UROD: variants seen among roughly 807,000 people sequenced by gnomAD.
UROD encodes uroporphyrinogen III decarboxylase.
A neutral mutation model predicts 47.1 loss-of-function variants in UROD; 34 were observed. The ratio of observed to expected loss-of-function variants is 0.72; its 90% CI spans 0.55 to 0.96. UROD has a LOEUF of 0.96. Among genes scored for constraint, UROD ranks in the 40% least tolerant of loss-of-function variants. UROD has a pLI of 0.00. For missense variants in UROD, 381 were observed against 471.8 expected (o/e 0.81, Z 1.78); for synonymous variants, 148 against 175.8 (o/e 0.84, Z 1.25).
rs121918059 is a variant in UROD at position 45,014,835 on chromosome 1, C to T, written c.874C>T (p.Arg292Trp). The T allele has an allele frequency of 7.4e-6, 12 of 1,613,992 alleles. No individual in the cohort carries two copies. The highest frequency in any genetic ancestry group is 2.2e-5 in the East Asian group (1 of 44,896). The part of the protein sequence containing the change: ...LDWTVAPKKA[R>W]ECVGKTVTLQ... ...CTGGACAGTGGCCCCAAAGAAAGCC[C>T]GGTAAGCCATGGAAGGGTGAGGCCT... is the stretch of plus-strand genomic sequence containing the variant. Residue 292 changes from arginine to tryptophan, a missense_variant and splice_region_variant, in exon 8 of 10, where the codon CGG becomes TGG. By Grantham distance (101) the Arg-to-Trp change is moderately radical. Coordinates refer to ENST00000246337, the MANE Select transcript of UROD (RefSeq NM_000374.5).
Position 45,013,011 on chromosome 1 carries a change from A to G in UROD, c.125A>G (p.Tyr42Cys). 2 of 1,614,044 alleles carry G rather than the reference A, an allele frequency of 1.2e-6. No individual in the cohort carries two copies. Among genetic ancestry groups the G allele is most frequent in the Non-Finnish European group, 1.7e-6 (2 of 1,180,024 alleles). The change falls in exon 2 of 10, where the codon TAC becomes TGC. Residue 42 changes from tyrosine to cysteine, a missense_variant. By Grantham distance (194) the Tyr-to-Cys change is radical. Coordinates refer to ENST00000246337, the MANE Select transcript of UROD (RefSeq NM_000374.5). The surrounding 1 kb of genome is among the most constrained non-coding windows in gnomAD (Gnocchi z 4.2). ...PVWCMRQAGR[Y>C]LPEFRETRAA... is the part of the protein sequence containing the mutation. ...TGGTGCATGCGCCAGGCAGGCCGTT[A>G]CTTACCAGGTAAGAGTCAGGGTCTG...
chr1:45,013,681 C>T lies in UROD; in HGVS notation c.364C>T (p.Arg122Trp), dbSNP rs201087307. Residue 122 changes from arginine (R) to tryptophan (W), a missense_variant, in exon 5 of 10, where the codon CGG becomes TGG. Arg to Trp is a moderately radical substitution (Grantham distance 101). Transcript: ENST00000246337. This position sits in a 1 kb window ranked among gnomAD's most constrained non-coding sequence, Gnocchi z 4.2. ...LREEQDLERL[R>W]DPEVVASELG... is the part of the protein sequence containing the mutation. ...AGAAGAGCAGGACCTAGAACGCCTACGGGATCCAGAAGTGGTAGCCTCTGA... is the reference window on the plus strand; with the variant it reads ...AGAAGAGCAGGACCTAGAACGCCTATGGGATCCAGAAGTGGTAGCCTCTGA... The T allele has an allele frequency of 5.0e-5, 81 of 1,614,058 alleles. No homozygotes were observed. The highest frequency in any genetic ancestry group is 1.8e-4 in the East Asian group (8 of 44,892).
Position 45,014,766 on chromosome 1 carries a change from C to T in UROD, c.805C>T (p.Leu269=), listed in dbSNP as rs747674229. Residue 269 remains leucine (L), a synonymous_variant, in exon 8 of 10, where the codon CTG becomes TTG. Coordinates refer to ENST00000246337, the MANE Select transcript of UROD (RefSeq NM_000374.5). ...CTTTGCTAAGGATGGGCATTTTGCC[C>T]TGGAGGAGCTGGCCCAAGCTGGCTA... ...IIFAKDGHFA[L]EELAQAGYEV... The T allele has an allele frequency of 1.9e-6, 3 of 1,614,236 alleles. No homozygotes were observed. The highest frequency in any genetic ancestry group is 1.7e-6 in the Non-Finnish European group (2 of 1,180,036).
intron 1 of UROD, 47 bp downstream of exon 1, chr1:45,012,332 G>C: frequency 1.2e-6 from 2 of 1,614,062 alleles, no homozygotes; most frequent in Non-Finnish European, 1.7e-6. Flanking sequence ...CTTCTAATTT[G>C]AGTCTTCCAA....
In UROD at chr1:45,014,845, T is replaced by C. The variant is rs1303239281; in HGVS notation, c.875+9T>C. ...GCCCCAAAGAAAGCCCGGTAAGCCA[T>C]GGAAGGGTGAGGCCTTGAGGTTGAG... On this transcript the variant is annotated intron_variant, in intron 8 of 9. Transcript: ENST00000246337. 1 of 1,614,116 alleles carries C rather than the reference T, an allele frequency of 6.2e-7. No individual in the cohort carries two copies. The highest frequency in any genetic ancestry group is 8.5e-7 in the Non-Finnish European group (1 of 1,180,010).
At position 45,013,128 on chromosome 1, in the gene UROD, G is replaced by C; in HGVS notation, c.134-8G>C. The C allele has an allele frequency of 6.2e-7, 1 of 1,614,196 alleles. No homozygotes were observed. ...CAAGGCTGAGCCCTGTCTTCCCTCT[G>C]TATGCAGAGTTTAGGGAAACCCGGG... On this transcript the variant is annotated splice_polypyrimidine_tract_variant and splice_region_variant and intron_variant, in intron 2 of 9. Transcript: ENST00000246337. This position sits in a 1 kb window ranked among gnomAD's most constrained non-coding sequence, Gnocchi z 4.2.
At chr1:45,015,193 C>A in intron 9 of UROD, 144 bp from the exon 10 acceptor site, 1 of 1,429,702 alleles carries the variant, frequency 7.0e-7, no homozygotes, top group Non-Finnish European at 9.6e-7. Flanking sequence ...TGCCTGGGTC[C>A]ATACTAGGGA....
Position 45,013,042 on chromosome 1 carries a change from C to G in UROD, c.133+23C>G. 6.2e-7 allele frequency: 1 copy of G among 1,614,128 alleles called. No individual in the cohort carries two copies. ...CAGGTAAGAGTCAGGGTCTGGAAAT[C>G]TAGATAAAACTCCGGAGGGAGAAAA... On this transcript the variant is annotated intron_variant, in intron 2 of 9. Coordinates refer to ENST00000246337, the MANE Select transcript of UROD (RefSeq NM_000374.5). This position sits in a 1 kb window ranked among gnomAD's most constrained non-coding sequence, Gnocchi z 4.2.
rs1644833585 is a variant in UROD, at chr1:45,014,622, C to CA, written c.774+47dup. On this transcript the variant is annotated intron_variant, in intron 7 of 9. Coordinates refer to ENST00000246337, the MANE Select transcript of UROD (RefSeq NM_000374.5). ...AGTGAAGGTGGTCCTGTGGAGCTTT[C>CA]AGGCTAAGTCCTGCATGGACTGGAG... 7 of 1,613,944 alleles carry CA rather than the reference C, an allele frequency of 4.3e-6. 1 individual carries two copies. The African/African-American group carries it at 5.3e-5, about 12-fold the overall frequency.
rs769981297 is a variant in UROD at position 45,013,333 on chromosome 1, C to T, written c.255C>T (p.Ser85=). The T allele has an allele frequency of 1.7e-5, 28 of 1,614,054 alleles. No individual in the cohort carries two copies. The South Asian group carries it at 1.8e-4, about 10-fold the overall frequency. The part of the protein sequence containing the change: ...RFPLDAAIIF[S]DILVVPQALG... ...CTCTGGATGCTGCCATCATTTTCTC[C>T]GACATCCTTGTTGTACCCCAGGTAC... The change falls in exon 4 of 10, where the codon TCC becomes TCT. Residue 85 remains serine (S), a synonymous_variant. Coordinates refer to ENST00000246337, the MANE Select transcript of UROD (RefSeq NM_000374.5). The surrounding 1 kb of genome is among the most constrained non-coding windows in gnomAD (Gnocchi z 4.2).
chr1:45,015,143 G>A (rs530906022), intron 9 of UROD, 137 bp downstream of exon 9: 16 of 1,488,970 alleles, frequency 1.1e-5, no homozygotes, highest in African/African-American at 5.6e-5. Flanking sequence ...TAGAAAGACC[G>A]GACTTTTTGT....
intron 9 of UROD, 88 bp from the exon 10 acceptor site, chr1:45,015,249 T>A (rs1644841890): frequency 1.3e-6 from 2 of 1,556,246 alleles, no homozygotes; most frequent in African/African-American, 2.7e-5. Context: ...AGTAGAAGCA[T>A]GCCTACATAT....
Position 45,013,420 on chromosome 1 carries a change from A to G in UROD, c.276+66A>G. The G allele has an allele frequency of 6.2e-7, 1 of 1,611,276 alleles. No homozygotes were observed. The highest frequency in any genetic ancestry group is 2.2e-5 in the East Asian group (1 of 44,870). On this transcript the variant is annotated intron_variant, in intron 4 of 9. Transcript: ENST00000246337. The surrounding 1 kb of genome is among the most constrained non-coding windows in gnomAD (Gnocchi z 4.2). Reference sequence around the variant, plus strand: ...GCCTTGAAAATCCTTCTATCAGTCCAGTCAAGGTTTACAATAAGCACTTAT... The same window carrying G: ...GCCTTGAAAATCCTTCTATCAGTCCGGTCAAGGTTTACAATAAGCACTTAT...
At position 45,012,908 on chromosome 1, in the gene UROD, C is replaced by A; in HGVS notation, c.22C>A (p.Pro8Thr). 1 of 1,613,574 alleles carries A rather than the reference C, an allele frequency of 6.2e-7. No homozygotes were observed. The highest frequency in any genetic ancestry group is 8.5e-7 in the Non-Finnish European group (1 of 1,179,846). The part of the protein sequence containing the change: MEANGLG[P>T]QGFPELKNDT... ...CCCCCACCCCCACCTGATCGCCAGA[C>A]CTCAGGGTTTTCCGGAGCTGAAGAA... Residue 8 changes from proline (P) to threonine (T), a missense_variant and splice_region_variant, in exon 2 of 10, where the codon CCT (proline) becomes ACT (threonine). Physicochemically the swap from Pro to Thr is conservative, Grantham distance 38. Coordinates refer to ENST00000246337, the MANE Select transcript of UROD (RefSeq NM_000374.5).
chr1:45,015,516 C>CAA lies in UROD; in HGVS notation c.*19_*20dup. 1 of 1,614,192 alleles carries CAA rather than the reference C, an allele frequency of 6.2e-7. No homozygotes were observed. The highest frequency in any genetic ancestry group is 8.5e-7 in the Non-Finnish European group (1 of 1,180,024). On this transcript the variant is annotated 3_prime_UTR_variant, in exon 10 of 10. Transcript: ENST00000246337. ...AGAACTGAGTGTATACCTTTACCCT[C>CAA]AAGTACCACTAACACAGATGATTGA... is the stretch of plus-strand genomic sequence containing the variant.
At chr1:45,015,050 TG>T in intron 9 of UROD, 44 bp downstream of exon 9, 1 of 1,611,336 alleles carries the variant, frequency 6.2e-7, no homozygotes, top group Non-Finnish European at 8.5e-7. Flanking sequence ...TGTGCACTCC[TG>T]TGGCTGTGGC....
At position 45,013,061 on chromosome 1, in the gene UROD, G is replaced by C. The variant is rs765189134; in HGVS notation, c.133+42G>C. ...GGAAATCTAGATAAAACTCCGGAGG[G>C]AGAAAAGTTTTCGAGGGGCAGGGGA... is the stretch of plus-strand genomic sequence containing the variant. On this transcript the variant is annotated intron_variant, in intron 2 of 9. Transcript: ENST00000246337. The surrounding 1 kb of genome is among the most constrained non-coding windows in gnomAD (Gnocchi z 4.2). 3.7e-6 allele frequency: 6 copies of C among 1,613,994 alleles called. No homozygotes were observed. The South Asian group carries it at 5.5e-5, about 15-fold the overall frequency.
chr1:45,015,055 C>T (rs1296623349), intron 9 of UROD, 49 bp downstream of exon 9: 1 of 1,610,534 alleles, frequency 6.2e-7, no homozygotes, highest in Non-Finnish European at 8.5e-7. Flanking sequence ...ACTCCTGTGG[C>T]TGTGGCTGTA....
At position 45,013,396 on chromosome 1, in the gene UROD, C is replaced by T. The variant is rs1164346910; in HGVS notation, c.276+42C>T. 1.9e-6 allele frequency: 3 copies of T among 1,612,802 alleles called. No individual in the cohort carries two copies. The African/African-American group carries it at 4.0e-5, about 22-fold the overall frequency. On this transcript the variant is annotated intron_variant, in intron 4 of 9. Transcript: ENST00000246337. The surrounding 1 kb of genome is among the most constrained non-coding windows in gnomAD (Gnocchi z 4.2). ...GATCCTAGAATATAATCCAAGGACG[C>T]CTTGAAAATCCTTCTATCAGTCCAG...
Sources: allele counts gnomAD v4.1 joint callset, GRCh38; gene constraint gnomAD v4.1.1; non-coding constraint Gnocchi (gnomAD v3.1); transcripts MANE v1.5; gene names NCBI Gene and HGNC (gene_info 2026-07-23, HGNC 2026-07-21).